The following HPSE2 variants were observed in gnomAD, a reference collection of about 807,000 sequenced individuals.
The protein encoded by HPSE2 is heparanase 2 (inactive).
Under a neutral mutation model 60.5 loss-of-function variants are expected in HPSE2, and 38 were observed. The ratio of observed to expected loss-of-function variants is 0.63; its 90% CI spans 0.48 to 0.82. HPSE2 has a LOEUF of 0.82. HPSE2 is among the 40% of genes least tolerant of loss of function. The pLI is 0.00. For missense variants in HPSE2, 713 were observed against 740.4 expected, an observed-to-expected ratio of 0.96 and a Z score of 0.43; for synonymous variants, 295 against 293.2, an observed-to-expected ratio of 1.01 and a Z score of -0.06.
chr10:98,816,745 A>G (rs989907402), intron 3 of HPSE2, among the ~76,000 whole-genome samples: 2 of 152,214 alleles, frequency 1.3e-5, no homozygotes, highest in African/African-American at 2.4e-5. Context: ...TCCCTGATTT[A>G]AAAACACTGT....
intron 4 of HPSE2, among the ~76,000 whole-genome samples, chr10:98,725,892 C>T (rs1045107521): frequency 2.0e-4 from 31 of 152,268 alleles, no homozygotes; most frequent in African/African-American, 7.2e-4. Flanking sequence ...AAAATGCTCA[C>T]CATCACTGGC....
In HPSE2 at chr10:98,688,793, C is replaced by T. The variant is rs74571616; in HGVS notation, c.1004+5107G>A. ...GCCTGGTCTCCTTTAGTATTTCTTG[C>T]GACACAGATCTACTGGCTTTCATTG... On this transcript the variant is annotated intron_variant, in intron 6 of 11. Coordinates refer to ENST00000370552, the MANE Select transcript of HPSE2 (RefSeq NM_021828.5). Among the ~76,000 whole-genome samples, 21 of 151,776 alleles carry T rather than the reference C, an allele frequency of 1.4e-4. No individual in the cohort carries two copies. The East Asian group carries it at 2.7e-3, about 20-fold the overall frequency.
chr10:98,856,550 C>A (rs1191710463), intron 3 of HPSE2, among the ~76,000 whole-genome samples: 2 of 151,924 alleles, frequency 1.3e-5, no homozygotes, highest in Non-Finnish European at 2.9e-5. Flanking sequence ...TATTAGGGAC[C>A]ATGCAAACCA....
At chr10:98,683,438 G>T (rs1947835405) in intron 6 of HPSE2, among the ~76,000 whole-genome samples, 1 of 151,228 alleles carries the variant, frequency 6.6e-6, no homozygotes, top group Admixed American at 6.6e-5. Flanking sequence ...AAAGAAAAAA[G>T]AAAAAATAGG....
Position 98,822,878 on chromosome 10 carries a change from A to G in HPSE2, c.611-78822T>C, listed in dbSNP as rs145139955. On this transcript the variant is annotated intron_variant, in intron 3 of 11. Coordinates refer to ENST00000370552, the MANE Select transcript of HPSE2 (RefSeq NM_021828.5). ...ACATCCTAATCCCTAGAACCTACGA[A>G]TGTTACTTTATGGGGCAAAAGAGAT... 2.4e-3 allele frequency among the ~76,000 whole-genome samples: 360 copies of G among 152,304 alleles called. 2 individuals carry two copies. Among genetic ancestry groups the G allele is most frequent in the Admixed American group, 3.9e-3 (59 of 15,296 alleles).
intron 10 of HPSE2, among the ~76,000 whole-genome samples, chr10:98,486,053 T>TAG (rs755335205): frequency 3.6e-4 from 55 of 152,308 alleles, no homozygotes; most frequent in Non-Finnish European, 6.5e-4. Flanking sequence ...GACCCACATA[T>TAG]AGAGGCTCTC....
At chr10:99,195,497 ATAAGT>A (rs1381151266) in intron 2 of HPSE2, among the ~76,000 whole-genome samples, 1 of 152,134 alleles carries the variant, frequency 6.6e-6, no homozygotes, top group African/African-American at 2.4e-5. Context: ...ATTAGAACTG[ATAAGT>A]TGAGTAAAGT....
intron 3 of HPSE2, among the ~76,000 whole-genome samples, chr10:98,871,232 G>A (rs577441048): frequency 6.6e-6 from 1 of 152,070 alleles, no homozygotes; most frequent in African/African-American, 2.4e-5. Flanking sequence ...TATATGCCCA[G>A]TTTATATTTT....
At chr10:99,130,018 AG>A (rs1845321013) in intron 3 of HPSE2, among the ~76,000 whole-genome samples, 1 of 152,124 alleles carries the variant, frequency 6.6e-6, no homozygotes, top group South Asian at 2.1e-4. Context: ...TGCACAAACT[AG>A]AAAATTTACA....
intron 2 of HPSE2, among the ~76,000 whole-genome samples, chr10:99,219,098 C>T (rs1211976027): frequency 6.6e-6 from 1 of 152,212 alleles, no homozygotes; most frequent in East Asian, 1.9e-4. Flanking sequence ...CACTATGGGC[C>T]TCCTCTGCAG....
At chr10:98,687,923 G>A (rs1010588898) in intron 6 of HPSE2, among the ~76,000 whole-genome samples, 7 of 152,044 alleles carry the variant, frequency 4.6e-5, no homozygotes, top group Non-Finnish European at 1.0e-4. Flanking sequence ...TAATTACACT[G>A]TTTAGGACAT....
intron 3 of HPSE2, among the ~76,000 whole-genome samples, chr10:98,934,204 C>CTG (rs1412796974): frequency 6.9e-6 from 1 of 144,276 alleles, no homozygotes; most frequent in African/African-American, 2.8e-5. Context: ...ATACAGCACA[C>CTG]CAACAGGTCT....
chr10:99,239,418 GTTTTTTTTTTT>G (rs760549054), upstream of HPSE2, among the ~76,000 whole-genome samples: 2 of 100,404 alleles, frequency 2.0e-5, no homozygotes, highest in Non-Finnish European at 2.0e-5. Context: ...GTTTGTCAAG[GTTTTTTTTTTT>G]TTTTTTTTTT....
At chr10:99,274,877 C>T in the HPSE2 span, among the ~76,000 whole-genome samples, 20 of 152,208 alleles carry the variant, frequency 1.3e-4, no homozygotes, top group Non-Finnish European at 2.5e-4. Flanking sequence ...AAATATACTT[C>T]GCCAAAGCAG....
intron 3 of HPSE2, among the ~76,000 whole-genome samples, chr10:98,891,782 A>C (rs1213811227): frequency 6.6e-6 from 1 of 151,556 alleles, no homozygotes; most frequent in Non-Finnish European, 1.5e-5. Flanking sequence ...ATTTTATTTT[A>C]TTTTACTGAC....
chr10:99,305,971 G>GCACACACACACACACACA, the HPSE2 span, among the ~76,000 whole-genome samples: 252 of 41,884 alleles, frequency 6.0e-3, no homozygotes, highest in South Asian at 9.6e-3. Flanking sequence ...ACGCGCGCGC[G>GCACACACACACACACACA]CGCGCGCGCA....
At chr10:99,185,718 A>G (rs934229509) in intron 2 of HPSE2, among the ~76,000 whole-genome samples, 3 of 151,326 alleles carry the variant, frequency 2.0e-5, no homozygotes, top group African/African-American at 7.3e-5. Context: ...AGCTTGCAGT[A>G]AGCCGAGATT....
At chr10:98,907,553 A>G (rs771034726) in intron 3 of HPSE2, among the ~76,000 whole-genome samples, 1 of 152,212 alleles carries the variant, frequency 6.6e-6, no homozygotes, top group Non-Finnish European at 1.5e-5. Context: ...CTGACAAGGC[A>G]TGGTCTAAAA....
chr10:98,555,625 G>A (rs1244590366), intron 9 of HPSE2, among the ~76,000 whole-genome samples: 2 of 152,108 alleles, frequency 1.3e-5, no homozygotes, highest in African/African-American at 4.8e-5. Flanking sequence ...CTATTCTTCT[G>A]TGTATTTCCA....
Sources: allele counts gnomAD v4.1 joint callset (sites outside exome capture counted in the v4.1 genomes callset), GRCh38; gene constraint gnomAD v4.1.1; transcripts MANE v1.5; gene names NCBI Gene and HGNC (gene_info 2026-07-23, HGNC 2026-07-21).